The following CPNE8 variants were observed in gnomAD, a reference collection of about 807,000 sequenced individuals.
The protein encoded by CPNE8 is copine 8.
A neutral mutation model predicts 81.5 loss-of-function variants in CPNE8; 45 were observed. The observed-to-expected ratio is 0.55, with a 90% CI of 0.44 to 0.71. The LOEUF is 0.71. Among genes scored for constraint, CPNE8 ranks in the 30% least tolerant of loss-of-function variants. The pLI is 0.00. For missense variants in CPNE8, 594 were observed against 672.1 expected, an observed-to-expected ratio of 0.88 and a Z score of 1.28; for synonymous variants, 252 against 226.3, an observed-to-expected ratio of 1.11 and a Z score of -1.02.
At chr12:38,753,339 C>A (rs1319056826) in intron 10 of CPNE8, among the ~76,000 whole-genome samples, 4 of 152,188 alleles carry the variant, frequency 2.6e-5, no homozygotes, top group South Asian at 2.1e-4. Flanking sequence ...GTAATCCCAG[C>A]GACTCAGGAG....
chr12:38,807,104 A>T (rs1942826950), intron 6 of CPNE8, among the ~76,000 whole-genome samples: 1 of 152,080 alleles, frequency 6.6e-6, no homozygotes, highest in Non-Finnish European at 1.5e-5. Flanking sequence ...ATAAAAGAGG[A>T]CACAAACAAA....
chr12:38,664,594 C>A (rs1939027218), intron 19 of CPNE8, among the ~76,000 whole-genome samples: 1 of 152,102 alleles, frequency 6.6e-6, no homozygotes, highest in South Asian at 2.1e-4. Context: ...ACCTTTTCAG[C>A]AAGTCCTACA....
chr12:38,747,553 T>A (rs1231579347), intron 10 of CPNE8, among the ~76,000 whole-genome samples: 1 of 152,164 alleles, frequency 6.6e-6, no homozygotes, highest in Non-Finnish European at 1.5e-5. Flanking sequence ...TATCCAGGGA[T>A]AATCTTTCTG....
chr12:38,667,201 C>G (rs1390792723), intron 19 of CPNE8, among the ~76,000 whole-genome samples: 1 of 152,124 alleles, frequency 6.6e-6, no homozygotes, highest in East Asian at 1.9e-4. Context: ...AAATGGAAAG[C>G]AGAGAAAAGG....
intron 10 of CPNE8, among the ~76,000 whole-genome samples, chr12:38,754,689 G>C (rs1941423144): frequency 6.6e-6 from 1 of 151,528 alleles, no homozygotes; most frequent in African/African-American, 2.4e-5. Context: ...AAAGTGAAAT[G>C]GGACAAAAAA....
At chr12:38,671,884 T>C (rs1232354738) in intron 18 of CPNE8, among the ~76,000 whole-genome samples, 2 of 152,132 alleles carry the variant, frequency 1.3e-5, no homozygotes, top group African/African-American at 4.8e-5. Context: ...CAATAATTTG[T>C]CAAGGTGTAC....
At chr12:38,894,791 C>T (rs1944366020) in intron 1 of CPNE8, among the ~76,000 whole-genome samples, 1 of 150,184 alleles carries the variant, frequency 6.7e-6, no homozygotes, top group Admixed American at 6.7e-5. Context: ...TTTCAATTAC[C>T]AAAAAATCTA....
chr12:38,807,840 C>T (rs924031056), intron 6 of CPNE8, among the ~76,000 whole-genome samples: 13 of 151,838 alleles, frequency 8.6e-5, no homozygotes, highest in South Asian at 2.1e-4. Context: ...AGAAAATTTT[C>T]GCAACCTACT....
intron 10 of CPNE8, among the ~76,000 whole-genome samples, chr12:38,748,531 C>G (rs538980716): frequency 6.6e-6 from 1 of 151,852 alleles, no homozygotes; most frequent in African/African-American, 2.4e-5. Context: ...GACGGAGTCT[C>G]GCTCTGTCGC....
chr12:38,676,083 T>G, intron 17 of CPNE8: 3 of 228,946 alleles, frequency 1.3e-5, no homozygotes, highest in Non-Finnish European at 2.1e-5. Context: ...GCCACTGCAC[T>G]CCAGCCTGGG....
chr12:38,799,021 CA>C (rs1409523370), intron 6 of CPNE8, among the ~76,000 whole-genome samples: 8 of 152,228 alleles, frequency 5.3e-5, no homozygotes, highest in Non-Finnish European at 1.0e-4. Flanking sequence ...TATATTCACC[CA>C]ATACAGGAGC....
chr12:38,807,167 C>T (rs1942828869), intron 6 of CPNE8, among the ~76,000 whole-genome samples: 1 of 151,550 alleles, frequency 6.6e-6, no homozygotes, highest in African/African-American at 2.4e-5. Flanking sequence ...GTGAAAATGG[C>T]CATACTGCCC....
chr12:38,773,721 GC>G (rs1239454108), intron 7 of CPNE8, among the ~76,000 whole-genome samples: 1 of 152,038 alleles, frequency 6.6e-6, no homozygotes, highest in African/African-American at 2.4e-5. Context: ...AAATAATAAT[GC>G]CCAATACTTT....
intron 1 of CPNE8, among the ~76,000 whole-genome samples, chr12:38,881,134 C>T (rs1339571911): frequency 6.6e-6 from 1 of 151,366 alleles, no homozygotes; most frequent in African/African-American, 2.4e-5. Flanking sequence ...GGCGTGAACC[C>T]GGGAGGCGGA....
chr12:38,815,112 A>C (rs1299034734), intron 6 of CPNE8, among the ~76,000 whole-genome samples: 1 of 152,082 alleles, frequency 6.6e-6, no homozygotes, highest in Non-Finnish European at 1.5e-5. Context: ...AGGCAGACTC[A>C]TGTGGTGTGA....
chr12:38,789,480 C>A (rs1942274605), intron 6 of CPNE8, among the ~76,000 whole-genome samples: 1 of 151,744 alleles, frequency 6.6e-6, no homozygotes, highest in African/African-American at 2.4e-5. Context: ...CAAAAGTCCT[C>A]AAATTATGAA....
chr12:38,838,881 C>T (rs1943425587), intron 5 of CPNE8, among the ~76,000 whole-genome samples: 1 of 152,074 alleles, frequency 6.6e-6, no homozygotes, highest in Admixed American at 6.6e-5. Context: ...AAATCTGTTT[C>T]CTAGCTCGTA....
chr12:38,844,201 A>G (rs1481777680), intron 4 of CPNE8, among the ~76,000 whole-genome samples: 1 of 152,208 alleles, frequency 6.6e-6, no homozygotes, highest in Non-Finnish European at 1.5e-5. Flanking sequence ...GGTAAGTCAT[A>G]TCTAGACTCA....
intron 13 of CPNE8, among the ~76,000 whole-genome samples, chr12:38,709,693 T>C (rs1288309508): frequency 6.6e-6 from 1 of 152,170 alleles, no homozygotes; most frequent in Non-Finnish European, 1.5e-5. Context: ...ATAATGCTTA[T>C]CAAATTTCTG....
Sources: gnomAD v4.1 joint callset for allele counts (sites outside exome capture counted in the v4.1 genomes callset) on GRCh38, gnomAD v4.1.1 for gene constraint, MANE v1.5 for transcripts, NCBI Gene and HGNC (gene_info 2026-07-23, HGNC 2026-07-21) for gene names.